The following UBAP1 variants were observed in gnomAD, a reference collection of about 807,000 sequenced individuals.
UBAP1 encodes ubiquitin associated protein 1, also known as ubiquitin-associated protein 1.
A neutral mutation model predicts 39.0 loss-of-function variants in UBAP1; 5 were observed. That is an observed-to-expected ratio of 0.13 (90% CI 0.07 to 0.27). The LOEUF (loss-of-function observed/expected upper bound fraction) is 0.27, where lower values mean the gene tolerates loss of function less well. Among genes scored for constraint, UBAP1 ranks in the 10% least tolerant of loss-of-function variants. The pLI, the probability that UBAP1 is intolerant of heterozygous loss-of-function variation, is 1.00. For synonymous variants in UBAP1, 211 were observed against 225.1 expected (o/e 0.94, Z 0.56); for missense variants, 490 against 608.1 (o/e 0.81, Z 2.04).
intron 1 of UBAP1, among the ~76,000 whole-genome samples, chr9:34,190,533 A>G (rs1830655006): frequency 6.6e-6 from 1 of 150,758 alleles, no homozygotes; most frequent in Non-Finnish European, 1.5e-5. Flanking sequence ...CAGGGGATCC[A>G]CCTTCCTCAG....
At chr9:34,226,524 A>G (rs954208952) in intron 2 of UBAP1, among the ~76,000 whole-genome samples, 1 of 152,244 alleles carries the variant, frequency 6.6e-6, no homozygotes, top group South Asian at 2.1e-4. Flanking sequence ...GGCATGAGCC[A>G]CCGCGCCTGG....
At chr9:34,247,637 T>C (rs1834246341) in intron 4 of UBAP1, among the ~76,000 whole-genome samples, 1 of 152,132 alleles carries the variant, frequency 6.6e-6, no homozygotes, top group Non-Finnish European at 1.5e-5. Flanking sequence ...TTGGTCAGGC[T>C]GGTCTTGAAC....
intron 1 of UBAP1, among the ~76,000 whole-genome samples, chr9:34,199,795 C>G (rs1563892993): frequency 6.8e-6 from 1 of 148,072 alleles, no homozygotes; most frequent in African/African-American, 2.5e-5. Flanking sequence ...GCCACCATGC[C>G]TGGCTGATTT....
intron 1 of UBAP1, among the ~76,000 whole-genome samples, chr9:34,181,614 A>T (rs967420715): frequency 6.8e-6 from 1 of 146,482 alleles, no homozygotes; most frequent in Admixed American, 6.9e-5. Flanking sequence ...TTGTATTTTT[A>T]GTAGAGACGG....
chr9:34,202,656 T>C (rs1831455700), intron 1 of UBAP1, among the ~76,000 whole-genome samples: 1 of 146,876 alleles, frequency 6.8e-6, no homozygotes, highest in Admixed American at 6.9e-5. Flanking sequence ...TGTGTGTGTG[T>C]GTGTGTGTGT....
chr9:34,251,362 C>CT, intron 6 of UBAP1, 30 bp from the exon 7 acceptor site: 1 of 1,612,518 alleles, frequency 6.2e-7, no homozygotes, highest in Non-Finnish European at 8.5e-7. Context: ...CCACCCTTTT[C>CT]TTTAATCTGT....
chr9:34,211,286 T>A (rs1214312552), intron 1 of UBAP1, among the ~76,000 whole-genome samples: 1 of 152,188 alleles, frequency 6.6e-6, no homozygotes, highest in Non-Finnish European at 1.5e-5. Flanking sequence ...CATGAATATA[T>A]TATAGCCTAA....
At chr9:34,243,125 C>T (rs1834046005) in intron 4 of UBAP1, among the ~76,000 whole-genome samples, 1 of 152,176 alleles carries the variant, frequency 6.6e-6, no homozygotes, top group Non-Finnish European at 1.5e-5. Flanking sequence ...GAGTGGGCTT[C>T]ATTCTAATTC....
chr9:34,235,557 T>A (rs1254783298), intron 3 of UBAP1, among the ~76,000 whole-genome samples: 1 of 152,140 alleles, frequency 6.6e-6, no homozygotes, highest in Non-Finnish European at 1.5e-5. Flanking sequence ...GCCAGGATGG[T>A]CTCAATCTCC....
intron 1 of UBAP1, among the ~76,000 whole-genome samples, chr9:34,181,980 T>G (rs939456848): frequency 6.7e-6 from 1 of 149,246 alleles, no homozygotes; most frequent in Non-Finnish European, 1.5e-5. Flanking sequence ...TTTTTTTTTT[T>G]GTAGAGAAGG....
intron 1 of UBAP1, among the ~76,000 whole-genome samples, chr9:34,197,787 T>C (rs1247930110): frequency 6.6e-6 from 1 of 152,182 alleles, no homozygotes; most frequent in Non-Finnish European, 1.5e-5. Flanking sequence ...TGACCTCAGG[T>C]GATCCACCTG....
intron 1 of UBAP1, among the ~76,000 whole-genome samples, chr9:34,190,728 C>G (rs1181241291): frequency 2.7e-5 from 4 of 149,436 alleles, no homozygotes; most frequent in Non-Finnish European, 5.9e-5. Flanking sequence ...CCTTGACTTC[C>G]TGGGTTCAGG....
Position 34,250,372 on chromosome 9 carries a change from G to A in UBAP1, c.1267-286G>A, listed in dbSNP as rs117920703. 1.2e-3 allele frequency among the ~76,000 whole-genome samples: 189 copies of A among 152,302 alleles called. 5 individuals carry two copies. The East Asian group carries it at 0.035, about 28-fold the overall frequency. On this transcript the variant is annotated intron_variant, in intron 5 of 6. Coordinates refer to ENST00000297661, the MANE Select transcript of UBAP1 (RefSeq NM_016525.5). ...CTTGGGCTGTTTTCTTAGAGTAGCC[G>A]CCTGCCCAGGCTGTGGAGTTGACCA...
intron 3 of UBAP1, among the ~76,000 whole-genome samples, chr9:34,236,101 C>A (rs978144960): frequency 1.3e-5 from 2 of 151,948 alleles, no homozygotes; most frequent in African/African-American, 4.8e-5. Context: ...TTCAGTTGAT[C>A]CGCCCACCTC....
intron 1 of UBAP1, among the ~76,000 whole-genome samples, chr9:34,214,920 A>G (rs1252659416): frequency 6.6e-6 from 1 of 152,206 alleles, no homozygotes; most frequent in African/African-American, 2.4e-5. Flanking sequence ...TCAAAACCAC[A>G]ATGTGATACC....
intron 2 of UBAP1, chr9:34,224,272 G>A (rs917172077): frequency 4.2e-6 from 2 of 474,398 alleles, no homozygotes; most frequent in Admixed American, 3.4e-5. Context: ...AGTGGGACTC[G>A]TACCACTGTC....
At chr9:34,223,258 C>T (rs1010187579) in intron 2 of UBAP1, among the ~76,000 whole-genome samples, 9 of 152,058 alleles carry the variant, frequency 5.9e-5, no homozygotes, top group Admixed American at 1.3e-4. Context: ...TGGAGAAACC[C>T]TGTCTCTATT....
intron 1 of UBAP1, among the ~76,000 whole-genome samples, chr9:34,197,464 TGTCA>T (rs1044585573): frequency 3.3e-5 from 5 of 152,130 alleles, no homozygotes; most frequent in African/African-American, 4.8e-5. Context: ...CTGAATTCTT[TGTCA>T]GTCAGTTCTA....
intron 2 of UBAP1, among the ~76,000 whole-genome samples, chr9:34,223,244 A>G (rs1196926657): frequency 6.6e-6 from 1 of 152,060 alleles, no homozygotes; most frequent in African/African-American, 2.4e-5. Context: ...CAGCCTGACC[A>G]ACATGGAGAA....
Sources: allele counts gnomAD v4.1 joint callset (sites outside exome capture counted in the v4.1 genomes callset), GRCh38; gene constraint gnomAD v4.1.1; transcripts MANE v1.5; gene names NCBI Gene and HGNC (gene_info 2026-07-23, HGNC 2026-07-21).